Variants in KCNQ5 observed in about 807,000 individuals in gnomAD.
KCNQ5 encodes potassium voltage-gated channel subfamily Q member 5.
A neutral mutation model predicts 98.2 loss-of-function variants in KCNQ5; 30 were observed. The ratio of observed to expected loss-of-function variants is 0.31; its 90% CI spans 0.23 to 0.41. KCNQ5 has a LOEUF of 0.41. Among genes scored for constraint, KCNQ5 ranks in the 10% least tolerant of loss-of-function variants. The probability of loss-of-function intolerance (pLI) is 1.00; values close to 1 mark genes in which losing one functional copy is unlikely to be tolerated. For missense variants in KCNQ5, 835 were observed against 1,182.5 expected (o/e 0.71, Z 4.31); for synonymous variants, 458 against 449.4 (o/e 1.02, Z -0.24).
chr6:73,069,081 A>C (rs1393230119), intron 3 of KCNQ5, among the ~76,000 whole-genome samples: 1 of 152,218 alleles, frequency 6.6e-6, no homozygotes, highest in African/African-American at 2.4e-5. Context: ...CTAGTATTTT[A>C]AATTTCAAAA....
chr6:73,195,203 A>G lies in KCNQ5; in HGVS notation c.2588A>G (p.Lys863Arg), dbSNP rs1765744303. Residue 863 changes from lysine to arginine, a missense_variant, in exon 14 of 14, where the codon AAA (lysine) becomes AGA (arginine). Physicochemically the swap from Lys to Arg is conservative, Grantham distance 26 (BLOSUM62 2). Transcript: ENST00000370398. The stretch of plus-strand genomic sequence containing the variant: ...AGAGGCAGCCAAGATTTTTACCCCA[A>G]ATGGAGGGAATCCAAATTGTTTATA... ...GSRGSQDFYP[K>R]WRESKLFITD... 6.2e-7 allele frequency: 1 copy of G among 1,614,040 alleles called. No individual in the cohort carries two copies. Among genetic ancestry groups the G allele is most frequent in the African/African-American group, 1.3e-5 (1 of 74,906 alleles).
intron 1 of KCNQ5, among the ~76,000 whole-genome samples, chr6:72,843,973 A>T (rs1359186400): frequency 6.6e-6 from 1 of 152,120 alleles, no homozygotes; most frequent in Non-Finnish European, 1.5e-5. Flanking sequence ...ACATGGACAC[A>T]GGGAGGGGAA....
At chr6:72,888,091 A>G (rs989477734) in intron 1 of KCNQ5, among the ~76,000 whole-genome samples, 3 of 152,212 alleles carry the variant, frequency 2.0e-5, no homozygotes, top group Non-Finnish European at 4.4e-5. Context: ...GTTTAAGACC[A>G]TGAAAAACAT....
At chr6:72,732,398 G>A (rs1770602459) in intron 1 of KCNQ5, among the ~76,000 whole-genome samples, 1 of 152,130 alleles carries the variant, frequency 6.6e-6, no homozygotes, top group Non-Finnish European at 1.5e-5. Context: ...GGGAAGGGGA[G>A]GAGGTGGTGG....
intron 1 of KCNQ5, among the ~76,000 whole-genome samples, chr6:72,628,426 G>A (rs1040248933): frequency 6.6e-6 from 1 of 152,208 alleles, no homozygotes; most frequent in African/African-American, 2.4e-5. Context: ...GGAGGATACT[G>A]TAGAGAGTCT....
chr6:73,105,229 C>G lies in KCNQ5; in HGVS notation c.919-28C>G, dbSNP rs768421041. The G allele has an allele frequency of 2.2e-6, 3 of 1,352,356 alleles. No individual in the cohort carries two copies. The South Asian group carries it at 3.8e-5, about 17-fold the overall frequency. 83.8% of individuals were successfully genotyped at this position (1,352,356 alleles called of 1,614,324 possible). On this transcript the variant is annotated intron_variant, in intron 5 of 13. Coordinates refer to ENST00000370398, the MANE Select transcript of KCNQ5 (RefSeq NM_019842.4). ...CTAACTTTCCTCTCAAGTACTTAAGCTGCACATTCTATTTATTTTGTTTCT... is the reference window on the plus strand; with the variant it reads ...CTAACTTTCCTCTCAAGTACTTAAGGTGCACATTCTATTTATTTTGTTTCT...
At chr6:72,635,154 G>A (rs984666317) in intron 1 of KCNQ5, among the ~76,000 whole-genome samples, 1 of 151,326 alleles carries the variant, frequency 6.6e-6, no homozygotes, top group African/African-American at 2.4e-5. Flanking sequence ...AGCCTCTTGA[G>A]TAGCTGAGAC....
At chr6:72,684,031 C>T (rs1014163966) in intron 1 of KCNQ5, among the ~76,000 whole-genome samples, 7 of 152,140 alleles carry the variant, frequency 4.6e-5, no homozygotes, top group African/African-American at 1.7e-4. Flanking sequence ...ACACACAGGT[C>T]TTTTGATTTC....
chr6:72,829,578 A>C (rs1407511064), intron 1 of KCNQ5, among the ~76,000 whole-genome samples: 1 of 152,210 alleles, frequency 6.6e-6, no homozygotes, highest in African/African-American at 2.4e-5. Flanking sequence ...CACAGTGCGA[A>C]TAACTCTCGA....
chr6:72,904,733 G>T (rs1301474397), intron 1 of KCNQ5, among the ~76,000 whole-genome samples: 1 of 152,146 alleles, frequency 6.6e-6, no homozygotes, highest in South Asian at 2.1e-4. Flanking sequence ...TTAGAAATCT[G>T]CTGTTAATCT....
intron 10 of KCNQ5, among the ~76,000 whole-genome samples, chr6:73,155,416 G>A (rs1777322162): frequency 1.3e-5 from 2 of 152,178 alleles, no homozygotes; most frequent in Non-Finnish European, 2.9e-5. Flanking sequence ...GAAAAGCAAC[G>A]AGGATGGATG....
intron 1 of KCNQ5, among the ~76,000 whole-genome samples, chr6:72,823,847 A>T (rs760704759): frequency 9.9e-5 from 15 of 152,234 alleles, no homozygotes; most frequent in Non-Finnish European, 1.5e-5. Flanking sequence ...CAGACAACAC[A>T]TTCAAATACA....
intron 1 of KCNQ5, among the ~76,000 whole-genome samples, chr6:72,715,389 T>G (rs1191609462): frequency 1.3e-5 from 2 of 152,202 alleles, no homozygotes; most frequent in Non-Finnish European, 2.9e-5. Context: ...GGTTTTACCT[T>G]GCAAACTTTG....
chr6:72,889,303 G>A (rs1427615427), intron 1 of KCNQ5, among the ~76,000 whole-genome samples: 1 of 152,170 alleles, frequency 6.6e-6, no homozygotes, highest in African/African-American at 2.4e-5. Flanking sequence ...ACAGAATGAG[G>A]CAGAGGGGAA....
chr6:72,968,774 A>T (rs1163744496), intron 1 of KCNQ5, among the ~76,000 whole-genome samples: 1 of 152,230 alleles, frequency 6.6e-6, no homozygotes, highest in African/African-American at 2.4e-5. Flanking sequence ...ATTTACAAAC[A>T]TAGAGATGTA....
At chr6:72,927,872 G>A (rs572918141) in intron 1 of KCNQ5, among the ~76,000 whole-genome samples, 24 of 152,042 alleles carry the variant, frequency 1.6e-4, no homozygotes, top group African/African-American at 5.3e-4. Flanking sequence ...TGGACTCACA[G>A]ATCTCTAGAC....
chr6:73,089,251 A>G (rs1441907674), intron 5 of KCNQ5, among the ~76,000 whole-genome samples: 1 of 152,222 alleles, frequency 6.6e-6, no homozygotes, highest in Non-Finnish European at 1.5e-5. Context: ...AATATACAAT[A>G]TCATTTCAGG....
chr6:72,979,453 G>C (rs989474428), intron 1 of KCNQ5, among the ~76,000 whole-genome samples: 3 of 152,098 alleles, frequency 2.0e-5, no homozygotes, highest in Non-Finnish European at 4.4e-5. Context: ...TCATGTGTCT[G>C]TTGGCTGCAT....
At chr6:72,624,768 C>A (rs184219997) in intron 1 of KCNQ5, among the ~76,000 whole-genome samples, 1 of 152,254 alleles carries the variant, frequency 6.6e-6, no homozygotes, top group East Asian at 1.9e-4. Context: ...GGTGCTATAT[C>A]CACATTAGCA....
Sources: allele counts gnomAD v4.1 joint callset (sites outside exome capture counted in the v4.1 genomes callset), GRCh38; gene constraint gnomAD v4.1.1; transcripts MANE v1.5; gene names NCBI Gene and HGNC (gene_info 2026-07-23, HGNC 2026-07-21).